NBEA: variants seen among roughly 807,000 people sequenced by gnomAD.
The protein encoded by NBEA is lysosomal-trafficking regulator 2.
NBEA carries 44 observed loss-of-function variants against 343.4 expected under a neutral mutation model. The observed-to-expected ratio is 0.13, with a 90% CI of 0.10 to 0.16. The LOEUF (loss-of-function observed/expected upper bound fraction) is 0.16, where lower values mean the gene tolerates loss of function less well. NBEA is among the 10% of genes least tolerant of loss of function. The pLI, the probability that NBEA is intolerant of heterozygous loss-of-function variation, is 1.00. For missense variants in NBEA, 2,555 were observed against 3,631.3 expected (o/e 0.70, Z 7.62); for synonymous variants, 1,175 against 1,238.7 (o/e 0.95, Z 1.08).
chr13:35,079,909 A>G (rs763745950), intron 10 of NBEA, among the ~76,000 whole-genome samples: 1 of 152,020 alleles, frequency 6.6e-6, no homozygotes, highest in East Asian at 1.9e-4. Flanking sequence ...TACTTTTTCT[A>G]TAGGAAGTGT....
chr13:35,527,725 C>T (rs2078049813), intron 41 of NBEA, among the ~76,000 whole-genome samples: 1 of 152,218 alleles, frequency 6.6e-6, no homozygotes, highest in African/African-American at 2.4e-5. Context: ...GGAGCTAGGG[C>T]TTCCAGGGCC....
At chr13:35,583,326 G>A (rs937834685) in intron 45 of NBEA, among the ~76,000 whole-genome samples, 7 of 152,126 alleles carry the variant, frequency 4.6e-5, no homozygotes, top group South Asian at 2.1e-4. Flanking sequence ...CAAGGAATCC[G>A]AATTTCCTGG....
intron 41 of NBEA, chr13:35,476,207 G>C: frequency 6.2e-7 from 1 of 1,609,488 alleles, no homozygotes; most frequent in South Asian, 1.1e-5. Context: ...GCGGCTGCTA[G>C]AGCTGGAGCC....
intron 41 of NBEA, among the ~76,000 whole-genome samples, chr13:35,518,568 A>G (rs2077573077): frequency 6.6e-6 from 1 of 152,210 alleles, no homozygotes; most frequent in South Asian, 2.1e-4. Flanking sequence ...GCCTCAAACT[A>G]GAGGAGGCAG....
intron 18 of NBEA, among the ~76,000 whole-genome samples, chr13:35,147,674 A>C (rs952192662): frequency 9.2e-5 from 14 of 152,108 alleles, no homozygotes; most frequent in African/African-American, 2.9e-4. Context: ...GAGGTGAGGG[A>C]AGGCTCTGGA....
chr13:34,999,657 A>AT (rs576780440), intron 1 of NBEA, among the ~76,000 whole-genome samples: 33 of 151,406 alleles, frequency 2.2e-4, no homozygotes, highest in Non-Finnish European at 3.8e-4. Flanking sequence ...TTTTTCTGTG[A>AT]TTTTTTTTCT....
chr13:35,342,372 A>C (rs1354181495), intron 36 of NBEA, among the ~76,000 whole-genome samples: 1 of 152,104 alleles, frequency 6.6e-6, no homozygotes, highest in Non-Finnish European at 1.5e-5. Context: ...CTCAATTTTA[A>C]AAATACTTTT....
chr13:35,431,269 T>C (rs1261909574), intron 38 of NBEA, among the ~76,000 whole-genome samples: 2 of 152,064 alleles, frequency 1.3e-5, no homozygotes, highest in Non-Finnish European at 2.9e-5. Context: ...ATCAAAATAA[T>C]GAAATGAAAT....
rs2152822798 is a variant in NBEA, at chr13:35,297,369, A to G, written c.5838+6919A>G. Among the ~76,000 whole-genome samples, 4 of 152,132 alleles carry G rather than the reference A, an allele frequency of 2.6e-5. 1 individual carries two copies. In the South Asian group the frequency reaches 8.3e-4, roughly 32 times the overall value. ...TTATATGTTTTAATTGGATGCTCTT[A>G]TATGTGATTAAGGTATGATTTTCTT... On this transcript the variant is annotated intron_variant, in intron 35 of 58. Transcript: ENST00000379939.
intron 35 of NBEA, among the ~76,000 whole-genome samples, chr13:35,301,144 A>C (rs2152826213): frequency 6.6e-6 from 1 of 151,562 alleles, no homozygotes; most frequent in African/African-American, 2.4e-5. Flanking sequence ...TTCTTCATTG[A>C]CCACAACAAT....
chr13:35,612,318 G>A (rs2082556690), intron 48 of NBEA, among the ~76,000 whole-genome samples: 1 of 151,922 alleles, frequency 6.6e-6, no homozygotes, highest in African/African-American at 2.4e-5. Context: ...ATTTTTAGTA[G>A]AGATGGGGTT....
At chr13:35,478,777 G>T (rs1359300247) in intron 41 of NBEA, among the ~76,000 whole-genome samples, 1 of 152,242 alleles carries the variant, frequency 6.6e-6, no homozygotes, top group Admixed American at 6.5e-5. Context: ...GTTCAGGCCA[G>T]AGATGCTTGC....
intron 41 of NBEA, among the ~76,000 whole-genome samples, chr13:35,502,531 T>A (rs1465225985): frequency 6.6e-6 from 1 of 151,942 alleles, no homozygotes; most frequent in South Asian, 2.1e-4. Context: ...TTCCACAAAG[T>A]TTTTTCCATG....
chr13:35,472,474 A>G lies in NBEA; in HGVS notation c.6523A>G (p.Thr2175Ala), dbSNP rs747390676. ...GGCCAAGGGGACTCTCTCCATCACC[A>G]CGACAGAAATCTACTTCGAGGTAGA... is the stretch of plus-strand genomic sequence containing the variant. ...VVAKGTLSIT[T>A]TEIYFEVDED... Residue 2175 changes from threonine (T) to alanine (A), a missense_variant, in exon 41 of 59, where the codon ACG (threonine) becomes GCG (alanine). By Grantham distance (58) the Thr-to-Ala change is moderately conservative (BLOSUM62 0). Around this residue, in one of 21 missense-constraint regions of NBEA, gnomAD observed 246 missense variants for 313.7 expected, o/e 0.78. Coordinates refer to ENST00000379939, the MANE Select transcript of NBEA (RefSeq NM_001385012.1). 2 of 1,613,998 alleles carry G rather than the reference A, an allele frequency of 1.2e-6. No homozygotes were observed. Among genetic ancestry groups the G allele is most frequent in the Non-Finnish European group, 1.7e-6 (2 of 1,179,898 alleles).
intron 1 of NBEA, among the ~76,000 whole-genome samples, chr13:35,030,643 A>C (rs1451911199): frequency 6.6e-6 from 1 of 151,714 alleles, no homozygotes; most frequent in Non-Finnish European, 1.5e-5. Context: ...TAAGCAACTC[A>C]TTACAAGCAA....
intron 1 of NBEA, among the ~76,000 whole-genome samples, chr13:35,005,341 T>C (rs1328472889): frequency 1.3e-5 from 2 of 152,098 alleles, no homozygotes; most frequent in Non-Finnish European, 2.9e-5. Context: ...TTCTCTGTGA[T>C]GCAAACTCAC....
chr13:35,187,072 TA>T (rs2071771692), intron 30 of NBEA, among the ~76,000 whole-genome samples: 1 of 152,156 alleles, frequency 6.6e-6, no homozygotes, highest in Non-Finnish European at 1.5e-5. Flanking sequence ...TAAAATTTTT[TA>T]TTTTTTCAGT....
chr13:35,581,753 G>T (rs2081050344), intron 45 of NBEA, among the ~76,000 whole-genome samples: 1 of 114,048 alleles, frequency 8.8e-6, no homozygotes, highest in South Asian at 3.6e-4. Flanking sequence ...GGAGGGGGGA[G>T]GGATAGCATC....
chr13:35,139,483 TA>T (rs200227215), intron 17 of NBEA, among the ~76,000 whole-genome samples: 15 of 151,050 alleles, frequency 9.9e-5, no homozygotes, highest in Non-Finnish European at 1.9e-4. Context: ...CAAGATTCTG[TA>T]AAAAAAAATA....
Sources: gnomAD v4.1 joint callset for allele counts (sites outside exome capture counted in the v4.1 genomes callset) on GRCh38, gnomAD v4.1.1 for gene constraint, gnomAD v4.1.1 regional missense constraint, MANE v1.5 for transcripts, NCBI Gene and HGNC (gene_info 2026-07-23, HGNC 2026-07-21) for gene names.